AGBL4: variants seen among roughly 807,000 people sequenced by gnomAD.
AGBL4 encodes cytosolic carboxypeptidase 6.
In AGBL4, 58 loss-of-function variants were observed where a neutral mutation model predicts 66.4. The ratio of observed to expected loss-of-function variants is 0.87; its 90% CI spans 0.71 to 1.09. The LOEUF (loss-of-function observed/expected upper bound fraction) is 1.09, where lower values mean the gene tolerates loss of function less well. Ranked by LOEUF, AGBL4 falls within the 50% of genes least tolerant of loss-of-function variation. AGBL4 has a pLI of 0.00. For missense variants in AGBL4, 579 were observed against 631.0 expected, an observed-to-expected ratio of 0.92 and a Z score of 0.88; for synonymous variants, 234 against 222.9, an observed-to-expected ratio of 1.05 and a Z score of -0.44.
chr1:49,475,868 A>C (rs1280146806), intron 3 of AGBL4, among the ~76,000 whole-genome samples: 1 of 152,032 alleles, frequency 6.6e-6, no homozygotes, highest in Non-Finnish European at 1.5e-5. Flanking sequence ...TTATCCTTTC[A>C]AAGAACCAAC....
chr1:49,565,801 G>A (rs1349361383), intron 3 of AGBL4, among the ~76,000 whole-genome samples: 1 of 152,118 alleles, frequency 6.6e-6, no homozygotes, highest in Non-Finnish European at 1.5e-5. Context: ...TTCTTGAGGA[G>A]TATCTTTGTG....
intron 4 of AGBL4, among the ~76,000 whole-genome samples, chr1:49,053,480 C>T (rs1317410609): frequency 6.6e-6 from 1 of 152,010 alleles, no homozygotes; most frequent in Admixed American, 6.6e-5. Context: ...TGCTGTGGCC[C>T]ATGTTGTAAC....
intron 2 of AGBL4, among the ~76,000 whole-genome samples, chr1:49,820,192 G>C (rs1645333926): frequency 6.6e-6 from 1 of 152,100 alleles, no homozygotes; most frequent in African/African-American, 2.4e-5. Flanking sequence ...TGTGACTTTT[G>C]AGAAAGAAAG....
intron 4 of AGBL4, among the ~76,000 whole-genome samples, chr1:49,183,150 T>C (rs1021077264): frequency 1.3e-5 from 2 of 152,190 alleles, no homozygotes; most frequent in Non-Finnish European, 2.9e-5. Context: ...TGTTTTTCCT[T>C]ATATTCACAT....
At chr1:49,628,850 T>C (rs1476967695) in intron 3 of AGBL4, among the ~76,000 whole-genome samples, 2 of 152,190 alleles carry the variant, frequency 1.3e-5, no homozygotes, top group Non-Finnish European at 2.9e-5. Context: ...TAGAAAAGAA[T>C]ATGTGTGACA....
intron 4 of AGBL4, among the ~76,000 whole-genome samples, chr1:49,154,672 A>G (rs1484940705): frequency 1.3e-5 from 2 of 152,184 alleles, no homozygotes; most frequent in African/African-American, 4.8e-5. Flanking sequence ...CTGACATGAA[A>G]TAACCTTCCA....
intron 2 of AGBL4, among the ~76,000 whole-genome samples, chr1:49,811,087 C>T (rs575077629): frequency 8.8e-4 from 134 of 152,168 alleles, no homozygotes; most frequent in African/African-American, 3.1e-3. Flanking sequence ...GATATCTATC[C>T]GAAACACTGA....
intron 4 of AGBL4, among the ~76,000 whole-genome samples, chr1:49,059,810 C>A (rs901799284): frequency 6.6e-6 from 1 of 152,148 alleles, no homozygotes; most frequent in Non-Finnish European, 1.5e-5. Flanking sequence ...TGACGACCGA[C>A]CCTATTGGAT....
intron 3 of AGBL4, among the ~76,000 whole-genome samples, chr1:49,588,330 T>C (rs1168437532): frequency 6.6e-6 from 1 of 152,162 alleles, no homozygotes; most frequent in Admixed American, 6.5e-5. Flanking sequence ...ATGCTATAAT[T>C]TCCACCCTGA....
chr1:48,794,918 A>T (rs1046965269), intron 6 of AGBL4, among the ~76,000 whole-genome samples: 1 of 152,134 alleles, frequency 6.6e-6, no homozygotes, highest in African/African-American at 2.4e-5. Context: ...CCATCTCTTC[A>T]AACTTTTGAG....
chr1:49,003,779 T>G (rs1365625550), intron 5 of AGBL4, among the ~76,000 whole-genome samples: 1 of 152,208 alleles, frequency 6.6e-6, no homozygotes, highest in Non-Finnish European at 1.5e-5. Context: ...CATATTTAGA[T>G]ACTAGTTCTG....
At chr1:49,914,674 G>A (rs939192281) in intron 1 of AGBL4, among the ~76,000 whole-genome samples, 35 of 152,128 alleles carry the variant, frequency 2.3e-4, no homozygotes, top group African/African-American at 8.5e-4. Flanking sequence ...ATATATTTGT[G>A]ATGACAACAG....
chr1:48,721,632 C>T (rs904739682), intron 6 of AGBL4, among the ~76,000 whole-genome samples: 1 of 152,166 alleles, frequency 6.6e-6, no homozygotes. Context: ...ATATTTATTA[C>T]CTTCCTCTCC....
intron 3 of AGBL4, among the ~76,000 whole-genome samples, chr1:49,501,139 T>C (rs1223707249): frequency 1.3e-5 from 2 of 152,218 alleles, no homozygotes. Flanking sequence ...TTTTGTTTTA[T>C]GTCATGGTTC....
intron 5 of AGBL4, among the ~76,000 whole-genome samples, chr1:48,940,351 C>A (rs1655862469): frequency 6.6e-6 from 1 of 152,054 alleles, no homozygotes; most frequent in Non-Finnish European, 1.5e-5. Flanking sequence ...GCACTCCAAC[C>A]TGGGCAACAA....
At chr1:48,673,789 T>G (rs769892055) in intron 6 of AGBL4, among the ~76,000 whole-genome samples, 4 of 152,220 alleles carry the variant, frequency 2.6e-5, no homozygotes, top group Non-Finnish European at 5.9e-5. Context: ...GAGTAATGAT[T>G]CTGAACCAAC....
At chr1:49,164,557 G>A (rs1285114820) in intron 4 of AGBL4, among the ~76,000 whole-genome samples, 1 of 152,098 alleles carries the variant, frequency 6.6e-6, no homozygotes, top group Non-Finnish European at 1.5e-5. Flanking sequence ...AAGGTTCAGA[G>A]CTCTAGTTCT....
chr1:49,697,346 G>A lies in AGBL4; in HGVS notation c.249C>T (p.Phe83=). The A allele has an allele frequency of 6.5e-7, 1 of 1,547,764 alleles. No homozygotes were observed. Among genetic ancestry groups the A allele is most frequent in the Non-Finnish European group, 8.7e-7 (1 of 1,144,150 alleles). Residue 83 remains phenylalanine (F), a synonymous_variant, in exon 3 of 14, where the codon TTC becomes TTT. Coordinates refer to ENST00000371839, the MANE Select transcript of AGBL4 (RefSeq NM_032785.4). The part of the protein sequence containing the change: ...DTCNPRFRVW[F]NFTVENVKES... ...CTTTCACATTTTCAACAGTAAAGTTGAACCAGACTCGGAAGCGTGGATTAC... is the reference window on the plus strand; with the variant it reads ...CTTTCACATTTTCAACAGTAAAGTTAAACCAGACTCGGAAGCGTGGATTAC...
At chr1:49,902,458 T>C (rs780390444) in intron 1 of AGBL4, among the ~76,000 whole-genome samples, 2 of 152,058 alleles carry the variant, frequency 1.3e-5, no homozygotes, top group Admixed American at 6.6e-5. Flanking sequence ...ATTAGAGAAA[T>C]GCAAATCAGG....
Sources: gnomAD v4.1 joint callset for allele counts (sites outside exome capture counted in the v4.1 genomes callset) on GRCh38, gnomAD v4.1.1 for gene constraint, MANE v1.5 for transcripts, NCBI Gene and HGNC (gene_info 2026-07-23, HGNC 2026-07-21) for gene names.